Variants in TAF1B observed in about 807,000 individuals in gnomAD.
TAF1B encodes the protein TATA box-binding protein-associated factor RNA polymerase I subunit B.
Under a neutral mutation model 83.9 loss-of-function variants are expected in TAF1B, and 61 were observed. The ratio of observed to expected loss-of-function variants is 0.73; its 90% CI spans 0.59 to 0.90. The LOEUF (loss-of-function observed/expected upper bound fraction) is 0.90, where lower values mean the gene tolerates loss of function less well. Ranked by LOEUF, TAF1B falls within the 40% of genes least tolerant of loss-of-function variation. The probability of loss-of-function intolerance (pLI) is 0.00; values close to 1 mark genes in which losing one functional copy is unlikely to be tolerated. For missense variants in TAF1B, 625 were observed against 677.0 expected (o/e 0.92, Z 0.85); for synonymous variants, 221 against 224.6 (o/e 0.98, Z 0.14).
chr2:9,845,797 A>G, intron 2 of TAF1B: 1 of 269,818 alleles, frequency 3.7e-6, no homozygotes, highest in Non-Finnish European at 7.2e-6. Flanking sequence ...AGTCTGTCCA[A>G]CAATGGGAAA....
chr2:9,886,613 T>C (rs536373052), intron 8 of TAF1B, among the ~76,000 whole-genome samples: 48 of 152,238 alleles, frequency 3.2e-4, no homozygotes, highest in Admixed American at 2.7e-3. Context: ...CAAAAATTTC[T>C]TCTATGTGTT....
intron 5 of TAF1B, among the ~76,000 whole-genome samples, chr2:9,859,366 T>C (rs1396800052): frequency 3.3e-5 from 5 of 151,676 alleles, no homozygotes; most frequent in African/African-American, 1.2e-4. Context: ...CTGGACTTCA[T>C]TGTCCATATC....
chr2:9,918,133 A>C (rs999974184), intron 12 of TAF1B, among the ~76,000 whole-genome samples: 1 of 152,188 alleles, frequency 6.6e-6, no homozygotes, highest in Non-Finnish European at 1.5e-5. Flanking sequence ...TCTTGTTGCC[A>C]CAGTGTCTTT....
At chr2:9,899,860 G>T (rs1665130669) in intron 8 of TAF1B, among the ~76,000 whole-genome samples, 1 of 152,232 alleles carries the variant, frequency 6.6e-6, no homozygotes, top group East Asian at 1.9e-4. Flanking sequence ...ATACAAATTT[G>T]TCTCCTGCAT....
At chr2:9,912,206 TAGAC>T (rs1665553682) in intron 11 of TAF1B, among the ~76,000 whole-genome samples, 1 of 152,136 alleles carries the variant, frequency 6.6e-6, no homozygotes, top group South Asian at 2.1e-4. Flanking sequence ...TTATAAGTGA[TAGAC>T]AGATAGACAA....
At chr2:9,925,654 T>C (rs533895178) in intron 14 of TAF1B, among the ~76,000 whole-genome samples, 3 of 150,502 alleles carry the variant, frequency 2.0e-5, no homozygotes, top group South Asian at 2.2e-4. Flanking sequence ...CAATCTTGGC[T>C]CACTGCGACC....
At chr2:9,895,209 A>T (rs930015719) in intron 8 of TAF1B, among the ~76,000 whole-genome samples, 11 of 152,338 alleles carry the variant, frequency 7.2e-5, no homozygotes, top group Middle Eastern at 6.8e-3. Flanking sequence ...CACAAAAAAA[A>T]TTTTTTGTGG....
At chr2:9,904,739 C>A in intron 8 of TAF1B, 120 bp from the exon 9 acceptor site, 1 of 984,760 alleles carries the variant, frequency 1.0e-6, no homozygotes, top group Non-Finnish European at 1.5e-6. Flanking sequence ...TTCTGCACAA[C>A]TTCACCAGCA....
chr2:9,920,593 TC>T (rs1303497796), intron 14 of TAF1B, among the ~76,000 whole-genome samples: 1 of 141,102 alleles, frequency 7.1e-6, no homozygotes, highest in African/African-American at 2.7e-5. Context: ...GGGCGGGGGG[TC>T]CATTTGCCCC....
At chr2:9,912,120 C>G (rs771467031) in intron 11 of TAF1B, among the ~76,000 whole-genome samples, 7 of 152,178 alleles carry the variant, frequency 4.6e-5, no homozygotes, top group Non-Finnish European at 1.0e-4. Flanking sequence ...AACTAATGGC[C>G]TAAGTACGTC....
chr2:9,928,609 C>G (rs1572296713), intron 14 of TAF1B, among the ~76,000 whole-genome samples: 8 of 152,210 alleles, frequency 5.3e-5, no homozygotes, highest in African/African-American at 1.9e-4. Context: ...GTATTTTATT[C>G]TTTTTGTAGC....
intron 8 of TAF1B, among the ~76,000 whole-genome samples, chr2:9,883,718 C>A (rs1487140533): frequency 6.6e-6 from 1 of 152,096 alleles, no homozygotes; most frequent in Non-Finnish European, 1.5e-5. Flanking sequence ...GAAGAGAAAA[C>A]CAATAATGAG....
Position 9,928,822 on chromosome 2 carries a change from TC to T in TAF1B, c.1566-4959del, listed in dbSNP as rs200460139. On this transcript the variant is annotated intron_variant, in intron 14 of 14. Transcript: ENST00000263663. The stretch of plus-strand genomic sequence containing the variant: ...ATGTACAAACAGGGACAATTTGACT[TC>T]CTCTTCTCCTAATTGAATACCTTTT... Among the ~76,000 whole-genome samples, 727 of 152,338 alleles carry T rather than the reference TC, an allele frequency of 4.8e-3. 3 individuals carry two copies. The highest frequency in any genetic ancestry group is 0.017 in the African/African-American group (690 of 41,580).
At chr2:9,906,298 T>C (rs1487623784) in intron 9 of TAF1B, among the ~76,000 whole-genome samples, 1 of 152,192 alleles carries the variant, frequency 6.6e-6, no homozygotes, top group African/African-American at 2.4e-5. Context: ...TTGCCTAACA[T>C]TTCCTGTGCG....
intron 14 of TAF1B, among the ~76,000 whole-genome samples, chr2:9,920,821 G>A (rs772485151): frequency 7.2e-5 from 11 of 152,248 alleles, no homozygotes; most frequent in South Asian, 2.1e-4. Context: ...AAAACAACAC[G>A]CGCTTTTATG....
rs540031212 is a variant in TAF1B, at chr2:9,919,924, C to T, written c.1565+104C>T. The T allele has an allele frequency of 2.8e-3, 3,016 of 1,069,988 alleles. 8 individuals are homozygous for T. Among genetic ancestry groups the T allele is most frequent in the Non-Finnish European group, 3.3e-3 (2,411 of 739,482 alleles). The allele number at this position is 1,069,988 out of a possible 1,614,324, so 66.3% of individuals were successfully genotyped here. A position where few individuals can be genotyped will look rare whatever the true frequency, so the allele number is the denominator to read the frequency against. On this transcript the variant is annotated intron_variant, in intron 14 of 14. Transcript: ENST00000263663. ...TTAGAAGCTGGTGAGCTTAAAGTCA[C>T]GAAAATCAGAATTATACATTGAGTC...
chr2:9,890,550 T>C (rs1445582302), intron 8 of TAF1B, among the ~76,000 whole-genome samples: 2 of 152,180 alleles, frequency 1.3e-5, no homozygotes. Flanking sequence ...TTAAATCTTT[T>C]CCCCTAAATA....
In TAF1B at chr2:9,934,217, G is replaced by T; in HGVS notation, c.*233G>T. 2.5e-6 allele frequency: 1 copy of T among 394,714 alleles called. No individual in the cohort carries two copies. The allele number at this position is 394,714 out of a possible 1,614,324, so 24.5% of individuals were successfully genotyped here. ...ATTCTAAGAGAAAGTTAAAACAATAGCAAATTGTATAATTGTATCCAGAAA... is the reference window on the plus strand; with the variant it reads ...ATTCTAAGAGAAAGTTAAAACAATATCAAATTGTATAATTGTATCCAGAAA... On this transcript the variant is annotated 3_prime_UTR_variant, in exon 15 of 15. Coordinates refer to ENST00000263663, the MANE Select transcript of TAF1B (RefSeq NM_005680.3).
chr2:9,875,947 A>G lies in TAF1B; in HGVS notation c.636A>G (p.Pro212=). The stretch of plus-strand genomic sequence containing the variant: ...AGGGAATCGTGAAGATGACCATGCC[A>G]CAGACACTTGCCTTCTGTTATCTGT... ...KEKGIVKMTM[P]QTLAFCYLSL... is the part of the protein sequence containing the mutation. The change falls in exon 7 of 15, where the codon CCA becomes CCG. Residue 212 remains proline (P), a synonymous_variant. Transcript: ENST00000263663. 1 of 1,613,874 alleles carries G rather than the reference A, an allele frequency of 6.2e-7. No homozygotes were observed.
Sources: gnomAD v4.1 joint callset for allele counts (sites outside exome capture counted in the v4.1 genomes callset) on GRCh38, gnomAD v4.1.1 for gene constraint, MANE v1.5 for transcripts, NCBI Gene and HGNC (gene_info 2026-07-23, HGNC 2026-07-21) for gene names.